BRCA1: variants seen among roughly 807,000 people sequenced by gnomAD.
BRCA1 encodes the protein breast cancer type 1 susceptibility protein.
A neutral mutation model predicts 173.7 loss-of-function variants in BRCA1; 140 were observed. The ratio of observed to expected loss-of-function variants is 0.81; its 90% confidence interval spans 0.70 to 0.93. BRCA1 has a LOEUF of 0.93. BRCA1 is among the 40% of genes least tolerant of loss of function. The pLI, the probability that BRCA1 is intolerant of heterozygous loss-of-function variation, is 0.00. For synonymous variants in BRCA1, 662 were observed against 756.0 expected (o/e 0.88, Z 2.04); for missense variants, 1,983 against 2,172.5 (o/e 0.91, Z 1.73).
chr17:43,045,921 A>ATT, intron 22 of BRCA1, 119 bp from the exon 23 acceptor site: 1 of 1,247,150 alleles, frequency 8.0e-7, no homozygotes, highest in Non-Finnish European at 1.1e-6. Context: ...GGTAGAAGCT[A>ATT]ATTTTTTTTT....
chr17:43,105,496 C>A (rs1234265462), intron 4 of BRCA1, among the ~76,000 whole-genome samples: 2 of 152,174 alleles, frequency 1.3e-5, no homozygotes, highest in Non-Finnish European at 2.9e-5. Context: ...CCACCTCAGC[C>A]TCCTAGAGTG....
At chr17:43,111,698 T>C (rs903017292) in intron 3 of BRCA1, among the ~76,000 whole-genome samples, 13 of 152,098 alleles carry the variant, frequency 8.5e-5, no homozygotes, top group African/African-American at 3.1e-4. Context: ...GGCAGGCGTC[T>C]GTAGTCCCAG....
chr17:43,092,913 G>C lies in BRCA1; in HGVS notation c.2618C>G (p.Ser873Ter). 6.2e-7 allele frequency: 1 copy of C among 1,613,850 alleles called. No homozygotes were observed. The highest frequency in any genetic ancestry group is 8.5e-7 in the Non-Finnish European group (1 of 1,179,992). The change falls in exon 10 of 23, where the codon TCA becomes TGA. Residue 873 changes from serine to a stop codon, truncating the protein, a stop_gained. Coordinates refer to ENST00000357654, the MANE Select transcript of BRCA1 (RefSeq NM_007294.4). LOFTEE classifies it high-confidence loss of function. Reference sequence around the variant, plus strand: ...TTCCTCTTCTGCATTTCCTGGATTTGAAAACGGAGCAAATGACTGGCGCTT... The same window carrying C: ...TTCCTCTTCTGCATTTCCTGGATTTCAAAACGGAGCAAATGACTGGCGCTT... ...VSKRQSFAPF[S>*]NPGNAEEECA... is the part of the protein sequence containing the mutation.
intron 14 of BRCA1, 58 bp from the exon 15 acceptor site, chr17:43,071,296 C>T (rs2153905372): frequency 6.3e-7 from 1 of 1,576,218 alleles, no homozygotes; most frequent in South Asian, 1.1e-5. Context: ...TTACAAAGTT[C>T]TGGTCTCTGT....
At chr17:43,107,491 G>A (rs1370645078) in intron 3 of BRCA1, among the ~76,000 whole-genome samples, 2 of 140,094 alleles carry the variant, frequency 1.4e-5, no homozygotes, top group Admixed American at 7.3e-5. Flanking sequence ...AGCAATTCTC[G>A]TGCCTCAGCC....
chr17:43,154,899 A>G (rs2056187213), intron 1 of BRCA1, among the ~76,000 whole-genome samples: 1 of 152,102 alleles, frequency 6.6e-6, no homozygotes, highest in Non-Finnish European at 1.5e-5. Flanking sequence ...GAGTCAGGAA[A>G]GGTTTCACTG....
intron 12 of BRCA1, among the ~76,000 whole-genome samples, chr17:43,080,274 CAA>C (rs1380705068): frequency 6.6e-6 from 1 of 152,178 alleles, no homozygotes; most frequent in African/African-American, 2.4e-5. Flanking sequence ...CACTGGAAGA[CAA>C]CAGATATTAA....
chr17:43,073,601 G>A (rs772136430), intron 14 of BRCA1, among the ~76,000 whole-genome samples: 10 of 151,818 alleles, frequency 6.6e-5, no homozygotes, highest in African/African-American at 9.7e-5. Flanking sequence ...GATTTTTAAG[G>A]CATAAAATAT....
chr17:43,064,072 T>C, intron 16 of BRCA1, 121 bp from the exon 17 acceptor site: 1 of 811,746 alleles, frequency 1.2e-6, no homozygotes, highest in Non-Finnish European at 2.1e-6. Flanking sequence ...TTTATGATTC[T>C]AAAACCCCTG....
At chr17:43,091,407 G>A (rs1415468030) in intron 10 of BRCA1, 28 bp downstream of exon 10, 3 of 1,612,730 alleles carry the variant, frequency 1.9e-6, no homozygotes, top group Admixed American at 1.7e-5. Context: ...AATAGACTGG[G>A]GCAAACACAA....
intron 7 of BRCA1, among the ~76,000 whole-genome samples, chr17:43,098,866 G>A (rs924577752): frequency 1.3e-4 from 20 of 148,710 alleles, no homozygotes; most frequent in African/African-American, 4.2e-4. Context: ...TGCCTAGGCT[G>A]GAGTGCAATG....
At chr17:43,084,060 TCA>T (rs1372244596) in intron 11 of BRCA1, among the ~76,000 whole-genome samples, 1 of 150,900 alleles carries the variant, frequency 6.6e-6, no homozygotes, top group Non-Finnish European at 1.5e-5. Flanking sequence ...AGACGGAGTC[TCA>T]CTTTGTTGCC....
intron 12 of BRCA1, among the ~76,000 whole-genome samples, chr17:43,081,991 T>C (rs1163805478): frequency 2.0e-5 from 3 of 152,250 alleles, no homozygotes; most frequent in African/African-American, 7.2e-5. Flanking sequence ...TCTCTCCCTA[T>C]AAATCAGAAG....
chr17:43,130,337 CAG>C (rs1157651017), upstream of BRCA1, among the ~76,000 whole-genome samples: 1 of 152,044 alleles, frequency 6.6e-6, no homozygotes, highest in Non-Finnish European at 1.5e-5. Flanking sequence ...ATTTTTGAGA[CAG>C]AGTCTCGCTC....
At chr17:43,072,035 A>G (rs1043294322) in intron 14 of BRCA1, among the ~76,000 whole-genome samples, 1 of 151,326 alleles carries the variant, frequency 6.6e-6, no homozygotes, top group African/African-American at 2.4e-5. Context: ...AAAATAAATA[A>G]ATAAATAAAA....
chr17:43,047,965 G>C (rs1352506735), intron 21 of BRCA1, among the ~76,000 whole-genome samples: 1 of 151,870 alleles, frequency 6.6e-6, no homozygotes, highest in African/African-American at 2.4e-5. Context: ...GTAGAGACAG[G>C]GTTTTGCCAT....
intron 1 of BRCA1, among the ~76,000 whole-genome samples, chr17:43,149,035 T>C (rs1004005685): frequency 2.6e-5 from 4 of 152,126 alleles, no homozygotes; most frequent in African/African-American, 9.7e-5. Context: ...ATCCCTTACA[T>C]ATAATGGTGC....
chr17:43,109,704 AAGCATTACTCC>A (rs2054952761), intron 3 of BRCA1, among the ~76,000 whole-genome samples: 1 of 152,108 alleles, frequency 6.6e-6, no homozygotes, highest in Non-Finnish European at 1.5e-5. Flanking sequence ...AGAAGGCATC[AAGCATTACTCC>A]AGCAAATAGT....
chr17:43,066,782 T>A (rs2153669523), intron 16 of BRCA1, among the ~76,000 whole-genome samples: 1 of 151,116 alleles, frequency 6.6e-6, no homozygotes, highest in East Asian at 1.9e-4. Context: ...GAGTTAATAG[T>A]TGACTATCTC....
Sources: gnomAD v4.1 joint callset for allele counts (sites outside exome capture counted in the v4.1 genomes callset) on GRCh38, gnomAD v4.1.1 for gene constraint, MANE v1.5 for transcripts, NCBI Gene and HGNC (gene_info 2026-07-23, HGNC 2026-07-21) for gene names.